CHRDL1: variants seen among roughly 807,000 people sequenced by gnomAD.
CHRDL1 encodes the protein chordin-like protein 1.
In CHRDL1, 19 loss-of-function variants were observed where a neutral mutation model predicts 40.9. The observed-to-expected ratio is 0.46, with a 90% CI of 0.32 to 0.68. The LOEUF is 0.68. Among genes scored for constraint, CHRDL1 ranks in the 30% least tolerant of loss-of-function variants. CHRDL1 has a pLI of 0.03. For missense variants in CHRDL1, 329 were observed against 352.1 expected (o/e 0.93, Z 0.53); for synonymous variants, 136 against 123.4 (o/e 1.10, Z -0.68).
chrX:110,738,383 C>T (rs1346656266), intron 4 of CHRDL1, among the ~76,000 whole-genome samples: 2 of 111,719 alleles, frequency 1.8e-5, no homozygotes, highest in Non-Finnish European at 3.8e-5. Flanking sequence ...AGAAGCCATG[C>T]CTTATTTTTT....
chrX:110,744,112 G>A (rs1204076632), intron 4 of CHRDL1, among the ~76,000 whole-genome samples: 4 of 112,299 alleles, frequency 3.6e-5, no homozygotes, highest in African/African-American at 9.7e-5. Context: ...GCCCCAGGGC[G>A]CCAGTAGAAA....
intron 2 of CHRDL1, among the ~76,000 whole-genome samples, chrX:110,782,146 T>C (rs1370606450): frequency 9.0e-6 from 1 of 111,608 alleles, no homozygotes; most frequent in African/African-American, 3.3e-5. Flanking sequence ...ATGAGAACGG[T>C]GATAACAATA....
At chrX:110,726,409 C>T (rs1437074708) in intron 4 of CHRDL1, among the ~76,000 whole-genome samples, 5 of 111,725 alleles carry the variant, frequency 4.5e-5, no homozygotes, top group Non-Finnish European at 5.6e-5. Context: ...GAGAAGGTAT[C>T]ATCACTGAAC....
At position 110,780,972 on chromosome X, in the gene CHRDL1, G is replaced by A. The variant is rs372299684; in HGVS notation, c.94+11116C>T. ...GAAAACAGAACATACTTTTAAGGCA[G>A]AATGTTAGTGTTTTTCAGCCAAATC... On this transcript the variant is annotated intron_variant, in intron 2 of 11. Transcript: ENST00000372042. Among the ~76,000 whole-genome samples, 9 of 111,283 alleles carry A rather than the reference G, an allele frequency of 8.1e-5. No individual in the cohort carries two copies. In the East Asian group the frequency reaches 2.5e-3, roughly 31 times the overall value.
Position 110,783,349 on chromosome X carries a change from C to T in CHRDL1, c.94+8739G>A, listed in dbSNP as rs775437734. Among the ~76,000 whole-genome samples the T allele has an allele frequency of 2.7e-5, 3 of 111,876 alleles. 1 individual carries two copies. The South Asian group carries it at 1.1e-3, about 42-fold the overall frequency. ...TGCTGGAACACCATAATTTTTAAGACGTGTTTGAGCATGGTTGTCCAATAT... is the reference window on the plus strand; with the variant it reads ...TGCTGGAACACCATAATTTTTAAGATGTGTTTGAGCATGGTTGTCCAATAT... On this transcript the variant is annotated intron_variant, in intron 2 of 11. Coordinates refer to ENST00000372042, the MANE Select transcript of CHRDL1 (RefSeq NM_001143981.2).
At chrX:110,717,299 C>T (rs197026) in intron 6 of CHRDL1, among the ~76,000 whole-genome samples, 14,720 of 111,650 alleles carry the variant, frequency 0.13, 2,388 homozygotes, top group African/African-American at 0.46. Flanking sequence ...GTGAGAAACA[C>T]TGACAGGAAG....
chrX:110,748,027 GT>G (rs2089290367), intron 4 of CHRDL1, among the ~76,000 whole-genome samples: 1 of 111,646 alleles, frequency 9.0e-6, no homozygotes, highest in South Asian at 3.8e-4. Context: ...TTGTGCCTAA[GT>G]TTTTTATACT....
At chrX:110,795,498 G>A (rs1002534217) in intron 1 of CHRDL1, among the ~76,000 whole-genome samples, 2 of 111,457 alleles carry the variant, frequency 1.8e-5, no homozygotes, top group East Asian at 5.7e-4. Context: ...AATGCAGGCC[G>A]AGTGGGGAGG....
rs189009980 is a variant in CHRDL1, at chrX:110,741,259, A to C, written c.301+18402T>G. Among the ~76,000 whole-genome samples the C allele has an allele frequency of 7.4e-3, 825 of 112,020 alleles. 7 individuals carry two copies. Among genetic ancestry groups the C allele is most frequent in the Non-Finnish European group, 0.011 (575 of 53,200 alleles). ...AATGACTTCTAATGAGCACATCCTT[A>C]AAGTTCTGTTGTTTATAACCCCTCT... On this transcript the variant is annotated intron_variant, in intron 4 of 11. Transcript: ENST00000372042.
intron 4 of CHRDL1, among the ~76,000 whole-genome samples, chrX:110,741,006 A>T (rs994643036): frequency 1.8e-5 from 2 of 112,306 alleles, no homozygotes; most frequent in African/African-American, 6.5e-5. Context: ...GGCCCTTTAC[A>T]GAAAAAAAGA....
intron 9 of CHRDL1, among the ~76,000 whole-genome samples, chrX:110,686,994 T>C (rs1299117750): frequency 1.8e-5 from 2 of 109,898 alleles, no homozygotes; most frequent in Non-Finnish European, 3.8e-5. Context: ...CCTTATCAAA[T>C]AGCTCCTGTC....
intron 10 of CHRDL1, among the ~76,000 whole-genome samples, chrX:110,679,660 G>A (rs2069853607): frequency 8.9e-6 from 1 of 111,770 alleles, no homozygotes; most frequent in African/African-American, 3.3e-5. Context: ...GGAGATAAGG[G>A]AGATAGTGCT....
chrX:110,754,012 C>A (rs2148500677), intron 4 of CHRDL1, among the ~76,000 whole-genome samples: 1 of 112,297 alleles, frequency 8.9e-6, no homozygotes, highest in South Asian at 3.7e-4. Flanking sequence ...TTTGCACTAC[C>A]AAGTGACAGC....
chrX:110,691,873 C>T (rs2070285675), intron 8 of CHRDL1, among the ~76,000 whole-genome samples: 1 of 109,831 alleles, frequency 9.1e-6, no homozygotes, highest in South Asian at 3.9e-4. Context: ...GGGCTGTGGA[C>T]AGGATCACAC....
At position 110,734,562 on chromosome X, in the gene CHRDL1, A is replaced by T. The variant is rs190752099; in HGVS notation, c.302-13032T>A. 3.2e-3 allele frequency among the ~76,000 whole-genome samples: 355 copies of T among 112,090 alleles called. 2 individuals are homozygous for T. Among genetic ancestry groups the T allele is most frequent in the Middle Eastern group, 0.014 (3 of 219 alleles). On this transcript the variant is annotated intron_variant, in intron 4 of 11. Coordinates refer to ENST00000372042, the MANE Select transcript of CHRDL1 (RefSeq NM_001143981.2). Reference sequence around the variant, plus strand: ...TGGCCTTCTCTTTTGACAGGTGGAAATGAGGCCCAGAGATGCCAAGGGGAC... The same window carrying T: ...TGGCCTTCTCTTTTGACAGGTGGAATTGAGGCCCAGAGATGCCAAGGGGAC...
At chrX:110,749,131 T>A (rs1284379949) in intron 4 of CHRDL1, among the ~76,000 whole-genome samples, 1 of 111,452 alleles carries the variant, frequency 9.0e-6, no homozygotes, top group African/African-American at 3.3e-5. Context: ...ATTTCTCTAT[T>A]AAAATAATAA....
intron 2 of CHRDL1, among the ~76,000 whole-genome samples, chrX:110,766,627 T>C (rs1206625348): frequency 1.8e-5 from 2 of 111,006 alleles, no homozygotes; most frequent in African/African-American, 6.6e-5. Context: ...ACAACCCTCC[T>C]AGCTTAAATC....
At chrX:110,732,301 A>G (rs1479930187) in intron 4 of CHRDL1, among the ~76,000 whole-genome samples, 1 of 111,098 alleles carries the variant, frequency 9.0e-6, no homozygotes, top group Non-Finnish European at 1.9e-5. Context: ...GAAAGCTTCC[A>G]GGAGACTCTG....
intron 6 of CHRDL1, among the ~76,000 whole-genome samples, chrX:110,710,279 C>T (rs2070724207): frequency 8.9e-6 from 1 of 111,919 alleles, no homozygotes; most frequent in South Asian, 3.8e-4. Flanking sequence ...TGGGCACATC[C>T]AATGGTGTTT....
Sources: allele counts gnomAD v4.1 joint callset (sites outside exome capture counted in the v4.1 genomes callset), GRCh38; gene constraint gnomAD v4.1.1; transcripts MANE v1.5; gene names NCBI Gene and HGNC (gene_info 2026-07-23, HGNC 2026-07-21).